The following NCOA1 variants were observed in gnomAD, a reference collection of about 807,000 sequenced individuals.
The protein encoded by NCOA1 is nuclear receptor coactivator 1, also known as Hin-2 protein.
In NCOA1, 35 loss-of-function variants were observed where a neutral mutation model predicts 150.9. The ratio of observed to expected loss-of-function variants is 0.23; its 90% CI spans 0.18 to 0.31. NCOA1 has a LOEUF of 0.31. Among genes scored for constraint, NCOA1 ranks in the 10% least tolerant of loss-of-function variants. The pLI is 1.00. For missense variants in NCOA1, 1,491 were observed against 1,749.3 expected (o/e 0.85, Z 2.63); for synonymous variants, 590 against 630.0 (o/e 0.94, Z 0.95).
intron 1 of NCOA1, among the ~76,000 whole-genome samples, chr2:24,547,997 A>AG (rs1252392781): frequency 7.3e-5 from 11 of 151,256 alleles, no homozygotes; most frequent in Admixed American, 7.3e-4. Flanking sequence ...TCAAAAAAAA[A>AG]AAAAAAAAAA....
chr2:24,756,248 C>A (rs1664495473), intron 20 of NCOA1, among the ~76,000 whole-genome samples: 2 of 152,114 alleles, frequency 1.3e-5, no homozygotes, highest in South Asian at 2.1e-4. Flanking sequence ...GAGTAAAACT[C>A]CCATCTCCAA....
At chr2:24,728,773 C>T (rs957251108) in intron 16 of NCOA1, among the ~76,000 whole-genome samples, 21 of 152,210 alleles carry the variant, frequency 1.4e-4, no homozygotes, top group African/African-American at 4.6e-4. Flanking sequence ...CCTTCATTCA[C>T]GCTTGTCTTC....
At chr2:24,622,404 C>A (rs1156762572) in intron 3 of NCOA1, among the ~76,000 whole-genome samples, 1 of 152,176 alleles carries the variant, frequency 6.6e-6, no homozygotes, top group Admixed American at 6.5e-5. Flanking sequence ...ACCAAAAATG[C>A]CTCCAAACAT....
chr2:24,625,650 C>T (rs544127282), intron 3 of NCOA1, among the ~76,000 whole-genome samples: 1 of 152,084 alleles, frequency 6.6e-6, no homozygotes, highest in Non-Finnish European at 1.5e-5. Context: ...TCTCCCTCCC[C>T]TCTAAACACT....
At chr2:24,513,133 T>G (rs79405303) in intron 1 of NCOA1, among the ~76,000 whole-genome samples, 1 of 152,210 alleles carries the variant, frequency 6.6e-6, no homozygotes, top group Non-Finnish European at 1.5e-5. Context: ...ATTTCAAACA[T>G]GCAGAAAAGA....
intron 1 of NCOA1, among the ~76,000 whole-genome samples, chr2:24,534,410 G>C (rs1233913471): frequency 7.8e-6 from 1 of 128,336 alleles, no homozygotes; most frequent in African/African-American, 3.0e-5. Context: ...TGGATTCATT[G>C]ATTTTTTTTT....
chr2:24,542,156 A>G (rs551222189), intron 1 of NCOA1, among the ~76,000 whole-genome samples: 5 of 152,336 alleles, frequency 3.3e-5, no homozygotes, highest in African/African-American at 7.2e-5. Context: ...AATTTGGTAT[A>G]TATAAATTGG....
intron 11 of NCOA1, among the ~76,000 whole-genome samples, chr2:24,702,976 T>C (rs886560873): frequency 6.6e-6 from 1 of 152,240 alleles, no homozygotes; most frequent in African/African-American, 2.4e-5. Flanking sequence ...AAATAGTGTC[T>C]AGGGATTGAC....
rs185082804 is a variant in NCOA1 at position 24,687,796 on chromosome 2, G to A, written c.533-3685G>A. Among the ~76,000 whole-genome samples the A allele has an allele frequency of 3.9e-5, 6 of 152,260 alleles. No individual in the cohort carries two copies. The East Asian group carries it at 9.7e-4, about 24-fold the overall frequency. On this transcript the variant is annotated intron_variant, in intron 8 of 22. Coordinates refer to ENST00000348332, the MANE Select transcript of NCOA1 (RefSeq NM_003743.5). ...ACAGGTCCCTCCCTCGACATGTGGG[G>A]ATTACAGTTTGAGATGAGATTTGGG...
intron 7 of NCOA1, among the ~76,000 whole-genome samples, chr2:24,679,937 C>T (rs1672088574): frequency 6.6e-6 from 1 of 152,104 alleles, no homozygotes; most frequent in South Asian, 2.1e-4. Flanking sequence ...ATGGGTTGTG[C>T]TTCAATCTTG....
intron 11 of NCOA1, among the ~76,000 whole-genome samples, chr2:24,704,370 A>G (rs1673307054): frequency 6.6e-6 from 1 of 152,208 alleles, no homozygotes; most frequent in Non-Finnish European, 1.5e-5. Context: ...AAAACCAGCA[A>G]AAGAGAAAAC....
At chr2:24,711,731 G>A (rs1673758502) in intron 14 of NCOA1, among the ~76,000 whole-genome samples, 1 of 152,190 alleles carries the variant, frequency 6.6e-6, no homozygotes, top group South Asian at 2.1e-4. Context: ...ACCCAAGTTA[G>A]CATTTTCCTA....
chr2:24,675,448 A>G (rs550036615), intron 7 of NCOA1, among the ~76,000 whole-genome samples: 3 of 152,298 alleles, frequency 2.0e-5, no homozygotes, highest in African/African-American at 4.8e-5. Context: ...GCTTTTTGTA[A>G]TTATTCTCAA....
chr2:24,736,221 CAA>C (rs758822213), intron 17 of NCOA1, among the ~76,000 whole-genome samples: 15 of 63,558 alleles, frequency 2.4e-4, no homozygotes, highest in Admixed American at 5.1e-4. Context: ...AACTCCGTCT[CAA>C]AAAAAAAAAA....
intron 14 of NCOA1, among the ~76,000 whole-genome samples, chr2:24,711,959 A>T (rs1256856396): frequency 6.6e-6 from 1 of 152,248 alleles, no homozygotes; most frequent in Non-Finnish European, 1.5e-5. Flanking sequence ...GTGGGACTTC[A>T]GTTATTTCAG....
In NCOA1 at chr2:24,673,470, G is replaced by C. The variant is rs371326667; in HGVS notation, c.354+7G>C. 1.2e-5 allele frequency: 18 copies of C among 1,560,742 alleles called. No individual in the cohort carries two copies. The African/African-American group carries it at 2.5e-4, about 22-fold the overall frequency. On this transcript the variant is annotated splice_region_variant and intron_variant, in intron 7 of 22. Transcript: ENST00000348332. ...GGGACCTCTTCTTTTGGAGGTAGGT[G>C]TCTTCATTGACTCAGAAAGTGATTA...
chr2:24,525,941 C>G (rs900716206), intron 1 of NCOA1, among the ~76,000 whole-genome samples: 1 of 152,146 alleles, frequency 6.6e-6, no homozygotes, highest in Non-Finnish European at 1.5e-5. Flanking sequence ...TTGCACAGGA[C>G]AAGTCTGTGT....
At chr2:24,590,330 C>T (rs1177147590) in intron 3 of NCOA1, among the ~76,000 whole-genome samples, 1 of 152,070 alleles carries the variant, frequency 6.6e-6, no homozygotes, top group Non-Finnish European at 1.5e-5. Flanking sequence ...TCAAGACTTC[C>T]TTGGCTTTTC....
intron 2 of NCOA1, among the ~76,000 whole-genome samples, chr2:24,580,571 T>G (rs1325257647): frequency 6.6e-6 from 1 of 152,222 alleles, no homozygotes; most frequent in Admixed American, 6.5e-5. Flanking sequence ...ACATCTTTTG[T>G]TTTACCTATT....
Sources: allele counts gnomAD v4.1 joint callset (sites outside exome capture counted in the v4.1 genomes callset), GRCh38; gene constraint gnomAD v4.1.1; transcripts MANE v1.5; gene names NCBI Gene and HGNC (gene_info 2026-07-23, HGNC 2026-07-21).